PPP1R1C: variants seen among roughly 807,000 people sequenced by gnomAD.
PPP1R1C encodes protein phosphatase 1 regulatory subunit 1C.
Under a neutral mutation model 17.4 loss-of-function variants are expected in PPP1R1C, and 15 were observed. That is an observed-to-expected ratio of 0.86 (90% CI 0.58 to 1.33). The LOEUF is 1.33. Ranked by LOEUF, PPP1R1C falls within the 40% of genes most tolerant of loss-of-function variation. The probability of loss-of-function intolerance (pLI) is 0.00; values close to 1 mark genes in which losing one functional copy is unlikely to be tolerated. For missense variants in PPP1R1C, 143 were observed against 130.0 expected (o/e 1.10, Z -0.48); for synonymous variants, 35 against 43.1 (o/e 0.81, Z 0.73).
At chr2:182,129,191 A>G (rs542510169) in exon 6 of PPP1R1C, 2 of 152,150 alleles carry the variant, frequency 1.3e-5, no homozygotes, top group South Asian at 4.1e-4. Context: ...GCTTTTTTCT[A>G]ATAATTTTTA....
chr2:182,101,045 A>G (rs1689085658), intron 4 of PPP1R1C, among the ~76,000 whole-genome samples: 1 of 152,176 alleles, frequency 6.6e-6, no homozygotes, highest in African/African-American at 2.4e-5. Context: ...GAAAGAACTA[A>G]ACAGTAGATC....
intron 2 of PPP1R1C, among the ~76,000 whole-genome samples, chr2:182,031,662 A>G (rs1686844150): frequency 6.6e-6 from 1 of 152,218 alleles, no homozygotes. Context: ...ATATCATTTT[A>G]GTCCCATTGC....
intron 2 of PPP1R1C, among the ~76,000 whole-genome samples, chr2:182,035,078 G>A (rs1444117327): frequency 6.6e-6 from 1 of 152,202 alleles, no homozygotes; most frequent in Non-Finnish European, 1.5e-5. Context: ...TGCTTTGTGA[G>A]GGAATGGGAA....
At chr2:182,041,707 A>G (rs1042784408) in intron 2 of PPP1R1C, among the ~76,000 whole-genome samples, 7 of 152,136 alleles carry the variant, frequency 4.6e-5, no homozygotes, top group Non-Finnish European at 1.0e-4. Context: ...TTTAAAAATA[A>G]GAAAAGAAAA....
At chr2:181,974,733 C>T (rs1418663203) in intron 1 of PPP1R1C, among the ~76,000 whole-genome samples, 2 of 152,104 alleles carry the variant, frequency 1.3e-5, no homozygotes, top group Non-Finnish European at 2.9e-5. Context: ...TGGAAGACAC[C>T]CTTTGCCTGA....
At chr2:182,057,183 A>T (rs1239712499) in intron 2 of PPP1R1C, among the ~76,000 whole-genome samples, 3 of 152,150 alleles carry the variant, frequency 2.0e-5, no homozygotes, top group African/African-American at 7.2e-5. Context: ...GTGCTCAGAG[A>T]TGTGGAAAAA....
intron 4 of PPP1R1C, among the ~76,000 whole-genome samples, chr2:182,113,337 C>T (rs1689495076): frequency 6.6e-6 from 1 of 152,154 alleles, no homozygotes; most frequent in Non-Finnish European, 1.5e-5. Flanking sequence ...CAAAGTCAGG[C>T]TCTATTGTCC....
At chr2:181,973,211 A>G (rs1231798567) in intron 1 of PPP1R1C, among the ~76,000 whole-genome samples, 1 of 152,176 alleles carries the variant, frequency 6.6e-6, no homozygotes, top group African/African-American at 2.4e-5. Context: ...CTCTCAGTCA[A>G]TATAGGTTTC....
chr2:182,035,365 G>C (rs1686972631), intron 2 of PPP1R1C, among the ~76,000 whole-genome samples: 1 of 152,080 alleles, frequency 6.6e-6, no homozygotes, highest in Admixed American at 6.5e-5. Context: ...TTTTTCAACT[G>C]TAAGCCTCTA....
intron 4 of PPP1R1C, among the ~76,000 whole-genome samples, chr2:182,081,350 C>T (rs540955170): frequency 9.9e-5 from 15 of 152,156 alleles, no homozygotes; most frequent in South Asian, 4.1e-4. Context: ...TTTCAGTTTC[C>T]GGGTGAATAC....
chr2:181,972,236 T>C (rs1685023086), intron 1 of PPP1R1C, among the ~76,000 whole-genome samples: 1 of 152,196 alleles, frequency 6.6e-6, no homozygotes, highest in Admixed American at 6.5e-5. Context: ...ATATTCGAAG[T>C]CTTGGAAAGT....
chr2:181,969,159 T>C (rs1684958992), intron 1 of PPP1R1C, among the ~76,000 whole-genome samples: 1 of 152,196 alleles, frequency 6.6e-6, no homozygotes, highest in Admixed American at 6.5e-5. Flanking sequence ...TGCAGTATTA[T>C]AATATTCTGT....
At chr2:182,131,291 A>C (rs1420503085), downstream of PPP1R1C, 2 of 152,158 alleles carry the variant, frequency 1.3e-5, no homozygotes, top group African/African-American at 4.8e-5. Flanking sequence ...ATGTATATAT[A>C]CACATATATA....
chr2:182,111,299 A>C (rs1448725354), intron 4 of PPP1R1C, among the ~76,000 whole-genome samples: 1 of 152,152 alleles, frequency 6.6e-6, no homozygotes, highest in Non-Finnish European at 1.5e-5. Context: ...GATGAAGAGA[A>C]AATCATATTG....
At chr2:182,046,159 T>C (rs1290372397) in intron 2 of PPP1R1C, among the ~76,000 whole-genome samples, 1 of 147,412 alleles carries the variant, frequency 6.8e-6, no homozygotes, top group African/African-American at 2.6e-5. Context: ...TTTCCTCCTT[T>C]ATTTCATGGT....
At chr2:182,124,704 A>G (rs2125242382) in intron 5 of PPP1R1C, among the ~76,000 whole-genome samples, 1 of 151,944 alleles carries the variant, frequency 6.6e-6, no homozygotes, top group East Asian at 1.9e-4. Flanking sequence ...TTTGTCTATT[A>G]TTGGTGTATA....
At chr2:181,990,655 C>G (rs1325902556) in intron 2 of PPP1R1C, among the ~76,000 whole-genome samples, 1 of 152,096 alleles carries the variant, frequency 6.6e-6, no homozygotes, top group Non-Finnish European at 1.5e-5. Flanking sequence ...AAAACAGAAT[C>G]TTCATAATCT....
intron 5 of PPP1R1C, among the ~76,000 whole-genome samples, chr2:182,126,205 A>G (rs566202417): frequency 6.6e-6 from 1 of 152,174 alleles, no homozygotes; most frequent in African/African-American, 2.4e-5. Flanking sequence ...CCACTATCAA[A>G]AAGCAAACAG....
intron 4 of PPP1R1C, among the ~76,000 whole-genome samples, chr2:182,066,803 T>C (rs1313913246): frequency 1.3e-4 from 20 of 152,158 alleles, no homozygotes; most frequent in Admixed American, 1.2e-3. Flanking sequence ...TACATTTCTC[T>C]GGTGTTTATA....
Sources: allele counts gnomAD v4.1 joint callset (sites outside exome capture counted in the v4.1 genomes callset), GRCh38; gene constraint gnomAD v4.1.1; transcripts MANE v1.5; gene names NCBI Gene and HGNC (gene_info 2026-07-23, HGNC 2026-07-21).